The following HEATR4 variants were observed in gnomAD, a reference collection of about 807,000 sequenced individuals.
HEATR4 encodes HEAT repeat-containing protein 4.
In HEATR4, 95 loss-of-function variants were observed where a neutral mutation model predicts 108.8. The observed-to-expected ratio is 0.87, with a 90% CI of 0.74 to 1.04. The LOEUF (loss-of-function observed/expected upper bound fraction) is 1.04. Ranked by LOEUF, HEATR4 falls within the 50% of genes least tolerant of loss-of-function variation. HEATR4 has a pLI of 0.00. For missense variants in HEATR4, 1,152 were observed against 1,253.8 expected (o/e 0.92, Z 1.23); for synonymous variants, 443 against 459.4 (o/e 0.96, Z 0.46).
At chr14:73,494,224 A>G (rs1885965173) in intron 16 of HEATR4, among the ~76,000 whole-genome samples, 1 of 152,200 alleles carries the variant, frequency 6.6e-6, no homozygotes, top group Non-Finnish European at 1.5e-5. Flanking sequence ...GATGTACCAG[A>G]AAGAGCACTG....
intron 14 of HEATR4, among the ~76,000 whole-genome samples, chr14:73,497,841 G>A (rs768889595): frequency 6.6e-6 from 1 of 151,912 alleles, no homozygotes; most frequent in African/African-American, 2.4e-5. Context: ...GGTCAGGCTG[G>A]TCTCAAACTC....
chr14:73,522,680 C>G lies in HEATR4; in HGVS notation c.473G>C (p.Arg158Pro), dbSNP rs144060453. The G allele has an allele frequency of 1.2e-6, 2 of 1,614,054 alleles. No homozygotes were observed. The highest frequency in any genetic ancestry group is 2.7e-5 in the African/African-American group (2 of 74,928). ...LKKSKPASTV[R>P]EAPRPLIHHP... ...ATGGATGAGAGGGCGGGGTGCTTCC[C>G]GGACGGTGCTGGCTGGCTTTGATTT... The change falls in exon 3 of 18, where the codon CGG becomes CCG. Residue 158 changes from arginine (R) to proline (P), a missense_variant. By Grantham distance (103) the Arg-to-Pro change is moderately radical. Coordinates refer to ENST00000553558, the MANE Select transcript of HEATR4 (RefSeq NM_001220484.1).
chr14:73,545,149 C>A (rs1214325806), intron 1 of HEATR4, among the ~76,000 whole-genome samples: 1 of 105,098 alleles, frequency 9.5e-6, no homozygotes, highest in Non-Finnish European at 2.0e-5. Flanking sequence ...GCCTCAACCT[C>A]GTAGGTTTAA....
chr14:73,619,315 A>G, the HEATR4 span: 1 of 1,613,832 alleles, frequency 6.2e-7, no homozygotes. Flanking sequence ...CTTGAAGGGC[A>G]TCACAGCCAC....
chr14:73,501,171 T>C (rs897874729), intron 11 of HEATR4, among the ~76,000 whole-genome samples: 1 of 152,188 alleles, frequency 6.6e-6, no homozygotes, highest in Admixed American at 6.5e-5. Flanking sequence ...CAGGCTGGAG[T>C]GCAGTGGCTG....
chr14:73,596,759 C>G, the HEATR4 span, among the ~76,000 whole-genome samples: 1 of 151,798 alleles, frequency 6.6e-6, no homozygotes, highest in Non-Finnish European at 1.5e-5. Context: ...CCACCATGCC[C>G]GGCTAATTTT....
At chr14:73,569,280 G>A in the HEATR4 span, 9 of 1,613,792 alleles carry the variant, frequency 5.6e-6, no homozygotes, top group East Asian at 8.9e-5. Context: ...CCATTCAGTT[G>A]TTCTCAGGTC....
At chr14:73,565,815 G>A in the HEATR4 span, among the ~76,000 whole-genome samples, 1 of 152,020 alleles carries the variant, frequency 6.6e-6, no homozygotes, top group African/African-American at 2.4e-5. Flanking sequence ...GTGAGCAGCA[G>A]TAAGATTTAT....
At chr14:73,592,473 T>C in the HEATR4 span, 1 of 1,443,810 alleles carries the variant, frequency 6.9e-7, no homozygotes, top group Non-Finnish European at 9.0e-7. Context: ...CTCCGTTTGT[T>C]TCCAGTGCTG....
chr14:73,495,547 C>T (rs767432163), intron 15 of HEATR4, among the ~76,000 whole-genome samples, 160 bp from the exon 16 acceptor site: 10 of 152,030 alleles, frequency 6.6e-5, no homozygotes, highest in Non-Finnish European at 1.3e-4. Context: ...CATGCCACTG[C>T]ACTCCAGCCT....
chr14:73,514,745 A>T (rs1887481126), intron 5 of HEATR4, among the ~76,000 whole-genome samples: 1 of 152,196 alleles, frequency 6.6e-6, no homozygotes, highest in African/African-American at 2.4e-5. Context: ...TTGAGAACAG[A>T]AGAAGCCGTA....
At chr14:73,603,938 T>G in the HEATR4 span, among the ~76,000 whole-genome samples, 1 of 152,148 alleles carries the variant, frequency 6.6e-6, no homozygotes, top group African/African-American at 2.4e-5. Flanking sequence ...TTCACCATTT[T>G]GGCCAGGATG....
chr14:73,537,791 C>T (rs1367168077), intron 1 of HEATR4: 2 of 1,224,436 alleles, frequency 1.6e-6, no homozygotes, highest in Admixed American at 5.3e-5. Context: ...GTGCCGGGTG[C>T]GGCACGAGCG....
At chr14:73,529,851 T>TA (rs1272681515) in intron 2 of HEATR4, among the ~76,000 whole-genome samples, 7 of 150,640 alleles carry the variant, frequency 4.6e-5, no homozygotes, top group Non-Finnish European at 7.4e-5. Context: ...CTGAAAGCTT[T>TA]AAAAAAATAA....
chr14:73,603,241 A>G, the HEATR4 span, among the ~76,000 whole-genome samples: 1 of 152,260 alleles, frequency 6.6e-6, no homozygotes, highest in South Asian at 2.1e-4. Context: ...TCAAAAGCCA[A>G]AGAAGCAGTT....
chr14:73,605,973 C>T, the HEATR4 span, among the ~76,000 whole-genome samples: 4 of 152,112 alleles, frequency 2.6e-5, no homozygotes, highest in Non-Finnish European at 4.4e-5. Context: ...TCACCCAGAT[C>T]GATTAACCGG....
chr14:73,559,561 C>G (rs889877893), upstream of HEATR4, among the ~76,000 whole-genome samples: 6 of 151,736 alleles, frequency 4.0e-5, no homozygotes, highest in Admixed American at 1.3e-4. Context: ...GAAACCCCAT[C>G]TCTACTAAAA....
At chr14:73,601,355 G>C in the HEATR4 span, among the ~76,000 whole-genome samples, 6 of 151,524 alleles carry the variant, frequency 4.0e-5, no homozygotes, top group Non-Finnish European at 7.4e-5. Context: ...CTTGAGGTCA[G>C]GAGTTCGAGA....
the HEATR4 span, among the ~76,000 whole-genome samples, chr14:73,625,610 C>T: frequency 6.6e-6 from 1 of 152,198 alleles, no homozygotes; most frequent in Non-Finnish European, 1.5e-5. Context: ...ATCCACCAGC[C>T]TCGGCCTCCC....
Sources: allele counts gnomAD v4.1 joint callset (sites outside exome capture counted in the v4.1 genomes callset), GRCh38; gene constraint gnomAD v4.1.1; transcripts MANE v1.5; gene names NCBI Gene and HGNC (gene_info 2026-07-23, HGNC 2026-07-21).